SPAG16: variants seen among roughly 807,000 people sequenced by gnomAD.
SPAG16 encodes sperm-associated antigen 16 protein.
In SPAG16, 86 loss-of-function variants were observed where a neutral mutation model predicts 80.4. The ratio of observed to expected loss-of-function variants is 1.07; its 90% confidence interval spans 0.90 to 1.28. The LOEUF is 1.28. SPAG16 is among the 50% of genes most tolerant of loss of function. The pLI is 0.00. For missense variants in SPAG16, 870 were observed against 765.3 expected, an observed-to-expected ratio of 1.14 and a Z score of -1.61; for synonymous variants, 294 against 265.9, an observed-to-expected ratio of 1.11 and a Z score of -1.03.
chr2:213,770,125 T>A (rs1279776522), intron 10 of SPAG16, among the ~76,000 whole-genome samples: 1 of 152,218 alleles, frequency 6.6e-6, no homozygotes, highest in Non-Finnish European at 1.5e-5. Flanking sequence ...TATGAATATA[T>A]CACAGTTTAT....
At chr2:214,227,702 ATGTGTGTG>A (rs3044944) in intron 15 of SPAG16, among the ~76,000 whole-genome samples, 3,081 of 145,758 alleles carry the variant, frequency 0.021, 48 homozygotes, top group African/African-American at 0.053. Flanking sequence ...TGGAAGGTGT[ATGTGTGTG>A]TGTGTGTGTG....
chr2:213,715,988 A>T (rs943220870), intron 10 of SPAG16, among the ~76,000 whole-genome samples: 2 of 152,112 alleles, frequency 1.3e-5, no homozygotes, highest in Admixed American at 6.5e-5. Context: ...TAAAACTATT[A>T]TCAAGGATTA....
chr2:213,517,736 C>T lies in SPAG16; in HGVS notation c.1070+27646C>T, dbSNP rs144200458. On this transcript the variant is annotated intron_variant, in intron 10 of 15. Coordinates refer to ENST00000331683, the MANE Select transcript of SPAG16 (RefSeq NM_024532.5). Reference sequence around the variant, plus strand: ...CCCTGTTCAATAAATAGTGCTGGGACAATCGGCCCGTTATATGGAGAATAA... The same window carrying T: ...CCCTGTTCAATAAATAGTGCTGGGATAATCGGCCCGTTATATGGAGAATAA... 4.6e-5 allele frequency among the ~76,000 whole-genome samples: 7 copies of T among 152,186 alleles called. No homozygotes were observed. In the South Asian group the frequency reaches 1.5e-3, roughly 32 times the overall value.
chr2:214,099,632 C>T (rs1360158060), intron 13 of SPAG16, among the ~76,000 whole-genome samples: 3 of 151,966 alleles, frequency 2.0e-5, no homozygotes, highest in African/African-American at 4.8e-5. Context: ...ATGAACTAGT[C>T]CATGAAATAT....
chr2:214,022,289 T>G (rs933184763), intron 13 of SPAG16, among the ~76,000 whole-genome samples: 3 of 152,104 alleles, frequency 2.0e-5, no homozygotes, highest in African/African-American at 7.2e-5. Context: ...ATATCCTATA[T>G]TATCTTGTAT....
chr2:213,948,222 C>A (rs2079557295), intron 12 of SPAG16, among the ~76,000 whole-genome samples: 1 of 152,164 alleles, frequency 6.6e-6, no homozygotes. Flanking sequence ...AATAGCTACA[C>A]TTTCTTTTCC....
chr2:213,477,783 A>T (rs991399317), intron 9 of SPAG16, among the ~76,000 whole-genome samples: 3 of 152,166 alleles, frequency 2.0e-5, no homozygotes, highest in Non-Finnish European at 1.5e-5. Context: ...TGCTGAAATG[A>T]ATTAAGACTT....
intron 10 of SPAG16, among the ~76,000 whole-genome samples, chr2:213,732,189 TG>T (rs1429908783): frequency 6.6e-6 from 1 of 152,230 alleles, no homozygotes; most frequent in Non-Finnish European, 1.5e-5. Flanking sequence ...TCCCATTGCT[TG>T]TTTTTGTCAG....
intron 10 of SPAG16, among the ~76,000 whole-genome samples, chr2:213,592,460 G>T (rs950508205): frequency 6.6e-6 from 1 of 152,134 alleles, no homozygotes; most frequent in African/African-American, 2.4e-5. Flanking sequence ...TTTATAGTTA[G>T]TAAATCAAAC....
chr2:214,402,444 A>C (rs1483976979), intron 15 of SPAG16, among the ~76,000 whole-genome samples: 1 of 151,956 alleles, frequency 6.6e-6, no homozygotes, highest in African/African-American at 2.4e-5. Context: ...TAATTCTTAA[A>C]TTAAGTTGAG....
chr2:213,490,779 C>G (rs2074201021), intron 10 of SPAG16, among the ~76,000 whole-genome samples: 1 of 151,926 alleles, frequency 6.6e-6, no homozygotes, highest in Non-Finnish European at 1.5e-5. Context: ...ACATTATTTT[C>G]TTGCATTTGG....
intron 9 of SPAG16, among the ~76,000 whole-genome samples, chr2:213,482,017 C>G (rs2073773604): frequency 6.6e-6 from 1 of 152,082 alleles, no homozygotes; most frequent in South Asian, 2.1e-4. Context: ...ATGAGACTTC[C>G]CTAAACTTTT....
intron 10 of SPAG16, among the ~76,000 whole-genome samples, chr2:213,850,663 A>T (rs1397459168): frequency 6.6e-6 from 1 of 150,948 alleles, no homozygotes; most frequent in Non-Finnish European, 1.5e-5. Flanking sequence ...AGTTTCTAAG[A>T]CTCACCTTCG....
intron 15 of SPAG16, among the ~76,000 whole-genome samples, chr2:214,247,341 T>C (rs894236193): frequency 8.5e-5 from 13 of 152,218 alleles, no homozygotes; most frequent in Middle Eastern, 6.8e-3. Flanking sequence ...GTCTAATAGG[T>C]TTTGTTTTAT....
At chr2:213,464,510 C>T (rs184168338) in intron 9 of SPAG16, among the ~76,000 whole-genome samples, 174 of 152,262 alleles carry the variant, frequency 1.1e-3, no homozygotes, top group African/African-American at 4.1e-3. Flanking sequence ...ATTAGTACTT[C>T]TATCACCTCA....
chr2:213,993,100 T>C (rs535677054), intron 12 of SPAG16, among the ~76,000 whole-genome samples: 2 of 152,298 alleles, frequency 1.3e-5, no homozygotes, highest in Admixed American at 6.5e-5. Flanking sequence ...CACTGTCTCA[T>C]TGAAACAGAA....
chr2:213,334,112 G>A (rs2064233567), intron 5 of SPAG16, among the ~76,000 whole-genome samples: 1 of 151,774 alleles, frequency 6.6e-6, no homozygotes, highest in African/African-American at 2.4e-5. Context: ...AACTCTATAG[G>A]AAAAAAGTCT....
At chr2:213,333,203 T>C (rs2064185985) in intron 5 of SPAG16, among the ~76,000 whole-genome samples, 1 of 152,166 alleles carries the variant, frequency 6.6e-6, no homozygotes, top group Non-Finnish European at 1.5e-5. Flanking sequence ...GTAGCATTTC[T>C]GTATACTAAC....
At chr2:213,871,117 C>T (rs946140462) in intron 11 of SPAG16, among the ~76,000 whole-genome samples, 2 of 151,992 alleles carry the variant, frequency 1.3e-5, no homozygotes, top group Non-Finnish European at 2.9e-5. Flanking sequence ...ATCAGAAGAA[C>T]CTACAACCTA....
Sources: allele counts gnomAD v4.1 joint callset (sites outside exome capture counted in the v4.1 genomes callset), GRCh38; gene constraint gnomAD v4.1.1; transcripts MANE v1.5; gene names NCBI Gene and HGNC (gene_info 2026-07-23, HGNC 2026-07-21).